Variants in SYT9 observed in about 807,000 individuals in gnomAD.
The protein encoded by SYT9 is synaptotagmin 9, also known as synaptotagmin-9.
In SYT9, 22 loss-of-function variants were observed where a neutral mutation model predicts 48.4. That is an observed-to-expected ratio of 0.45 (90% CI 0.32 to 0.65). The LOEUF is 0.65. SYT9 is among the 30% of genes least tolerant of loss of function. The probability of loss-of-function intolerance (pLI) is 0.03; values close to 1 mark genes in which losing one functional copy is unlikely to be tolerated. For synonymous variants in SYT9, 265 were observed against 245.0 expected (o/e 1.08, Z -0.76); for missense variants, 577 against 622.0 (o/e 0.93, Z 0.77).
At chr11:7,278,171 G>C (rs1848432160) in intron 1 of SYT9, among the ~76,000 whole-genome samples, 1 of 152,048 alleles carries the variant, frequency 6.6e-6, no homozygotes, top group African/African-American at 2.4e-5. Flanking sequence ...AGGGCAAGGG[G>C]GCTGAGCATG....
chr11:7,327,809 A>G (rs1849456000), intron 3 of SYT9, among the ~76,000 whole-genome samples: 1 of 27,474 alleles, frequency 3.6e-5, no homozygotes. Flanking sequence ...ATTCTCAGTA[A>G]ACTATCGCAA....
intron 3 of SYT9, among the ~76,000 whole-genome samples, chr11:7,411,884 T>C (rs1016467885): frequency 6.6e-6 from 1 of 152,206 alleles, no homozygotes; most frequent in Middle Eastern, 3.2e-3. Context: ...TCACAAAGCC[T>C]TTCTCATTCT....
At chr11:7,360,073 T>C (rs1222209699) in intron 3 of SYT9, among the ~76,000 whole-genome samples, 1 of 151,258 alleles carries the variant, frequency 6.6e-6, no homozygotes, top group Non-Finnish European at 1.5e-5. Flanking sequence ...TACATATGGC[T>C]AGCCAGTTTT....
At chr11:7,452,747 T>C (rs1184003988) in intron 6 of SYT9, among the ~76,000 whole-genome samples, 2 of 152,056 alleles carry the variant, frequency 1.3e-5, no homozygotes, top group Non-Finnish European at 2.9e-5. Flanking sequence ...CTGAGTCAAG[T>C]AGAATGCTTT....
intron 3 of SYT9, among the ~76,000 whole-genome samples, chr11:7,350,061 G>A (rs1162317949): frequency 1.3e-5 from 2 of 152,150 alleles, no homozygotes; most frequent in Non-Finnish European, 2.9e-5. Flanking sequence ...TGCCTCATGG[G>A]TCAATATAGT....
At chr11:7,241,396 A>G (rs1490227475) in intron 1 of SYT9, among the ~76,000 whole-genome samples, 2 of 152,236 alleles carry the variant, frequency 1.3e-5, no homozygotes, top group East Asian at 3.8e-4. Context: ...GCAGTTATTG[A>G]ATAGAAAGAA....
At chr11:7,351,557 G>A (rs1263485262) in intron 3 of SYT9, among the ~76,000 whole-genome samples, 1 of 152,158 alleles carries the variant, frequency 6.6e-6, no homozygotes, top group Non-Finnish European at 1.5e-5. Context: ...GGGAAAGAAA[G>A]CATCTCCTTT....
intron 6 of SYT9, among the ~76,000 whole-genome samples, chr11:7,466,590 G>C (rs562164297): frequency 6.6e-6 from 1 of 151,756 alleles, no homozygotes; most frequent in Non-Finnish European, 1.5e-5. Context: ...GTGTGGCGGC[G>C]GGCACCTGTA....
chr11:7,245,294 C>G (rs1847779553), intron 1 of SYT9, among the ~76,000 whole-genome samples: 1 of 152,162 alleles, frequency 6.6e-6, no homozygotes, highest in Non-Finnish European at 1.5e-5. Flanking sequence ...CAACATATAT[C>G]AAGTGCATGA....
chr11:7,371,121 C>T (rs1850354279), intron 3 of SYT9, among the ~76,000 whole-genome samples: 1 of 152,128 alleles, frequency 6.6e-6, no homozygotes, highest in Non-Finnish European at 1.5e-5. Context: ...CTTAATAATA[C>T]ACTTTACTAT....
At chr11:7,412,954 C>A (rs1248890034) in intron 3 of SYT9, among the ~76,000 whole-genome samples, 1 of 152,168 alleles carries the variant, frequency 6.6e-6, no homozygotes, top group Non-Finnish European at 1.5e-5. Context: ...CCCTGGATGG[C>A]ATGCTCAAGT....
intron 3 of SYT9, among the ~76,000 whole-genome samples, chr11:7,364,211 C>G (rs1446528781): frequency 6.6e-6 from 1 of 152,090 alleles, no homozygotes; most frequent in East Asian, 1.9e-4. Flanking sequence ...AAAAGAATCT[C>G]CCAACATTGG....
intron 3 of SYT9, among the ~76,000 whole-genome samples, chr11:7,347,287 G>A (rs1204429305): frequency 3.3e-5 from 5 of 151,468 alleles, no homozygotes; most frequent in Non-Finnish European, 5.9e-5. Flanking sequence ...GCTGGAGTGC[G>A]ATGGCACGAT....
At chr11:7,292,839 G>T (rs554349480) in intron 1 of SYT9, among the ~76,000 whole-genome samples, 1 of 152,286 alleles carries the variant, frequency 6.6e-6, no homozygotes, top group South Asian at 2.1e-4. Context: ...TTTTTAAGTA[G>T]ATTTTCCCCC....
At chr11:7,393,908 C>G (rs530509145) in intron 3 of SYT9, among the ~76,000 whole-genome samples, 2 of 149,390 alleles carry the variant, frequency 1.3e-5, no homozygotes, top group Non-Finnish European at 3.0e-5. Context: ...CTCTGATGAT[C>G]TTTTGTATTC....
chr11:7,462,494 A>G (rs1373933402), intron 6 of SYT9, among the ~76,000 whole-genome samples: 1 of 152,226 alleles, frequency 6.6e-6, no homozygotes, highest in East Asian at 1.9e-4. Context: ...AAAAAAAAAT[A>G]GAATGTCCTC....
At chr11:7,289,280 C>T (rs1274306091) in intron 1 of SYT9, among the ~76,000 whole-genome samples, 1 of 152,080 alleles carries the variant, frequency 6.6e-6, no homozygotes, top group Non-Finnish European at 1.5e-5. Flanking sequence ...CTTGGTTTAT[C>T]ATAGAAACAG....
chr11:7,373,110 A>G (rs1345740044), intron 3 of SYT9, among the ~76,000 whole-genome samples: 1 of 152,072 alleles, frequency 6.6e-6, no homozygotes, highest in Non-Finnish European at 1.5e-5. Flanking sequence ...TGTATTCTTA[A>G]TACTGATAGA....
At chr11:7,376,140 T>C (rs1850447980) in intron 3 of SYT9, among the ~76,000 whole-genome samples, 1 of 152,110 alleles carries the variant, frequency 6.6e-6, no homozygotes, top group Non-Finnish European at 1.5e-5. Context: ...ACATTCTTAT[T>C]CACCTCTGCT....
Sources: gnomAD v4.1 joint callset for allele counts (sites outside exome capture counted in the v4.1 genomes callset) on GRCh38, gnomAD v4.1.1 for gene constraint, MANE v1.5 for transcripts, NCBI Gene and HGNC (gene_info 2026-07-23, HGNC 2026-07-21) for gene names.